Variants in ZNF605 observed in about 807,000 individuals in gnomAD.
ZNF605 encodes the protein zinc finger protein 605.
Under a neutral mutation model 7.9 loss-of-function variants are expected in ZNF605, and 9 were observed. The ratio of observed to expected loss-of-function variants is 1.14; its 90% CI spans 0.68 to 1.98. The LOEUF (loss-of-function observed/expected upper bound fraction) is 1.98. Among genes scored for constraint, ZNF605 ranks in the 30% most tolerant of loss-of-function variants. ZNF605 has a pLI of 0.00. For synonymous variants in ZNF605, 255 were observed against 260.1 expected (o/e 0.98, Z 0.19); for missense variants, 673 against 762.4 (o/e 0.88, Z 1.38).
At chr12:132,937,512 CACAG>C (rs1355263101) in intron 3 of ZNF605, among the ~76,000 whole-genome samples, 2 of 151,730 alleles carry the variant, frequency 1.3e-5, no homozygotes, top group Non-Finnish European at 2.9e-5. Flanking sequence ...CACACACACA[CACAG>C]ACACACACAC....
chr12:132,933,472 T>C lies in ZNF605; in HGVS notation c.16-317A>G, dbSNP rs1298832566. On this transcript the variant is annotated intron_variant, in intron 3 of 4. Coordinates refer to ENST00000360187, the MANE Select transcript of ZNF605 (RefSeq NM_183238.4). The surrounding 1 kb of genome is among the most constrained non-coding windows in gnomAD (Gnocchi z 4.4). ...TGTAAGGCCGCCATGTGGAAGCTCA[T>C]GTGCCGTGGAACTGAGGCTTCCCAA... Among the ~76,000 whole-genome samples, 1 of 152,214 alleles carries C rather than the reference T, an allele frequency of 6.6e-6. No individual in the cohort carries two copies. Among genetic ancestry groups the C allele is most frequent in the African/African-American group, 2.4e-5 (1 of 41,446 alleles).
Position 132,933,035 on chromosome 12 carries a change from C to G in ZNF605, c.136G>C (p.Glu46Gln). ...CTAAGTTACATAAGAATGTTCTTAC[C>G]CAAGAAAACCAGATTGCTATAGTTC... ...LENYSNLVFL[E>Q]VWLDNPKMWL... The change falls in exon 4 of 5, where the codon GAA (glutamate) becomes CAA (glutamine). Residue 46 changes from glutamate (E) to glutamine (Q), a missense_variant and splice_region_variant. Physicochemically the swap from Glu to Gln is conservative, Grantham distance 29. Transcript: ENST00000360187. This position sits in a 1 kb window ranked among gnomAD's most constrained non-coding sequence, Gnocchi z 4.4. 6.3e-7 allele frequency: 1 copy of G among 1,583,824 alleles called. No homozygotes were observed. Among genetic ancestry groups the G allele is most frequent in the Non-Finnish European group, 8.6e-7 (1 of 1,162,342 alleles).
chr12:132,940,761 T>A (rs1021003680), intron 3 of ZNF605, among the ~76,000 whole-genome samples: 2 of 152,148 alleles, frequency 1.3e-5, no homozygotes, highest in African/African-American at 4.8e-5. Flanking sequence ...TTTCAACTTT[T>A]TCTTTAGATC....
intron 1 of ZNF605, chr12:132,948,570 AG>A (rs1952520131): frequency 6.6e-6 from 1 of 152,260 alleles, no homozygotes; most frequent in Non-Finnish European, 1.5e-5. Flanking sequence ...AGGTAAACTG[AG>A]CGAGAAGACC....
chr12:132,934,208 G>A (rs1241900483), intron 3 of ZNF605, among the ~76,000 whole-genome samples: 1 of 152,110 alleles, frequency 6.6e-6, no homozygotes, highest in African/African-American at 2.4e-5. Context: ...GAACCTGGGA[G>A]GTGGAGGTTG....
rs938627969 is a variant in ZNF605, at chr12:132,933,335, C to G, written c.16-180G>C. Reference sequence around the variant, plus strand: ...TGGGCTGGACTCACTGACTCATTGTCCTGAACAGAACAGGGAAACATGATG... The same window carrying G: ...TGGGCTGGACTCACTGACTCATTGTGCTGAACAGAACAGGGAAACATGATG... On this transcript the variant is annotated intron_variant, in intron 3 of 4. Coordinates refer to ENST00000360187, the MANE Select transcript of ZNF605 (RefSeq NM_183238.4). This position sits in a 1 kb window ranked among gnomAD's most constrained non-coding sequence, Gnocchi z 4.4. Among the ~76,000 whole-genome samples, 1 of 152,192 alleles carries G rather than the reference C, an allele frequency of 6.6e-6. No individual in the cohort carries two copies. The highest frequency in any genetic ancestry group is 2.4e-5 in the African/African-American group (1 of 41,438).
Position 132,926,348 on chromosome 12 carries a change from G to T in ZNF605, c.951C>A (p.Ala317=), listed in dbSNP as rs1202689801. 1.9e-6 allele frequency: 3 copies of T among 1,614,160 alleles called. No homozygotes were observed. Among genetic ancestry groups the T allele is most frequent in the East Asian group, 4.5e-5 (2 of 44,878 alleles). ...TAATCAGCTGCGACTTCCAAAAGAA[G>T]GCTTTTCCACAGTGACTACATGGAT... is the stretch of plus-strand genomic sequence containing the variant. ...KPYPCSHCGK[A]FFWKSQLITH... Residue 317 remains alanine (A), a synonymous_variant, in exon 5 of 5, where the codon GCC becomes GCA. Transcript: ENST00000360187.
chr12:132,939,030 C>T (rs1369774427), intron 3 of ZNF605, among the ~76,000 whole-genome samples: 4 of 151,526 alleles, frequency 2.6e-5, no homozygotes, highest in Non-Finnish European at 5.9e-5. Flanking sequence ...ATGCCTGAGC[C>T]TCCCACCCAC....
chr12:132,955,910 C>T (rs1267589355), intron 1 of ZNF605, among the ~76,000 whole-genome samples: 1 of 151,872 alleles, frequency 6.6e-6, no homozygotes, highest in Non-Finnish European at 1.5e-5. Flanking sequence ...TCTACAGCGA[C>T]CTCCATAGGC....
intron 1 of ZNF605, among the ~76,000 whole-genome samples, chr12:132,955,809 C>A (rs1207565890): frequency 6.6e-6 from 1 of 152,050 alleles, no homozygotes; most frequent in Non-Finnish European, 1.5e-5. Context: ...TCGCTGCAGA[C>A]AAATCCTCCA....
intron 3 of ZNF605, among the ~76,000 whole-genome samples, chr12:132,940,703 G>A (rs1477978819): frequency 1.3e-5 from 2 of 152,094 alleles, no homozygotes; most frequent in Non-Finnish European, 2.9e-5. Flanking sequence ...AGACTGGCAG[G>A]TAAAACAAGG....
At chr12:132,940,093 A>G (rs1952420391) in intron 3 of ZNF605, among the ~76,000 whole-genome samples, 2 of 152,208 alleles carry the variant, frequency 1.3e-5, no homozygotes, top group Admixed American at 1.3e-4. Flanking sequence ...AGTGAGACCA[A>G]GAACCCACCC....
In ZNF605 at chr12:132,923,637, T is replaced by C. The variant is rs965053505; in HGVS notation, c.*1736A>G. ...GTATTCTGTTTATCAGTGCTTTTCA[T>C]GAATGTGACTCTGAGGTGCACTGCT... On this transcript the variant is annotated 3_prime_UTR_variant, in exon 5 of 5. Coordinates refer to ENST00000360187, the MANE Select transcript of ZNF605 (RefSeq NM_183238.4). 3.9e-5 allele frequency: 6 copies of C among 152,240 alleles called. No homozygotes were observed. The highest frequency in any genetic ancestry group is 1.4e-4 in the African/African-American group (6 of 41,468). 9.4% of individuals were successfully genotyped at this position (152,240 alleles called of 1,614,324 possible).
chr12:132,945,749 CT>C lies in ZNF605; in HGVS notation c.-115del, dbSNP rs762508131. ...GAGAATACATCCTTGGTCTTGTGGG[CT>C]CTTCTTTCTTATCTCACATGAATTG... is the stretch of plus-strand genomic sequence containing the variant. On this transcript the variant is annotated 5_prime_UTR_variant, in exon 3 of 5. Coordinates refer to ENST00000360187, the MANE Select transcript of ZNF605 (RefSeq NM_183238.4). The C allele has an allele frequency of 4.5e-4, 653 of 1,453,586 alleles. No individual in the cohort carries two copies. Among genetic ancestry groups the C allele is most frequent in the Non-Finnish European group, 6.1e-4 (628 of 1,034,594 alleles). The allele number at this position is 1,453,586 out of a possible 1,614,324, so 90.0% of individuals were successfully genotyped here. A position where few individuals can be genotyped will look rare whatever the true frequency, so the allele number is the denominator to read the frequency against.
At chr12:132,937,080 T>C (rs1337536305) in intron 3 of ZNF605, among the ~76,000 whole-genome samples, 1 of 152,104 alleles carries the variant, frequency 6.6e-6, no homozygotes, top group African/African-American at 2.4e-5. Context: ...GGAAGGTGGC[T>C]GGGCGCGGTG....
At chr12:132,928,409 T>A (rs1952269755) in intron 4 of ZNF605, among the ~76,000 whole-genome samples, 1 of 152,182 alleles carries the variant, frequency 6.6e-6, no homozygotes, top group South Asian at 2.1e-4. Flanking sequence ...TCTCCAGAGC[T>A]CAGTATCAAC....
intron 1 of ZNF605, among the ~76,000 whole-genome samples, chr12:132,950,128 C>A (rs972524604): frequency 6.6e-6 from 1 of 152,020 alleles, no homozygotes; most frequent in Non-Finnish European, 1.5e-5. Flanking sequence ...GCATCCAAAC[C>A]TGGGGTCCCT....
rs922631749 is a variant in ZNF605, at chr12:132,941,852, T to C, written c.15+3769A>G. On this transcript the variant is annotated intron_variant, in intron 3 of 4. Transcript: ENST00000360187. The surrounding 1 kb of genome is among the most constrained non-coding windows in gnomAD (Gnocchi z 5.1). ...GCTGCCCTCCATCACGCGTCCTTCT[T>C]CTCCAGGCTGCCCTCCATCACGCAC... Among the ~76,000 whole-genome samples the C allele has an allele frequency of 1.8e-4, 28 of 151,656 alleles. No homozygotes were observed. The highest frequency in any genetic ancestry group is 6.5e-4 in the African/African-American group (27 of 41,272).
chr12:132,933,254 C>A lies in ZNF605; in HGVS notation c.16-99G>T. 1 of 1,357,064 alleles carries A rather than the reference C, an allele frequency of 7.4e-7. No homozygotes were observed. Among genetic ancestry groups the A allele is most frequent in the East Asian group, 2.4e-5 (1 of 42,002 alleles). 84.1% of individuals were successfully genotyped at this position (1,357,064 alleles called of 1,614,324 possible). On this transcript the variant is annotated intron_variant, in intron 3 of 4. Transcript: ENST00000360187. The surrounding 1 kb of genome is among the most constrained non-coding windows in gnomAD (Gnocchi z 4.4). ...GTGGTAGGTGGCCTCTAAGATGGCC[C>A]CAGTGACCTCTGACTCCGGTATTCA...
Sources: allele counts gnomAD v4.1 joint callset (sites outside exome capture counted in the v4.1 genomes callset), GRCh38; gene constraint gnomAD v4.1.1; non-coding constraint Gnocchi (gnomAD v3.1); transcripts MANE v1.5; gene names NCBI Gene and HGNC (gene_info 2026-07-23, HGNC 2026-07-21).